The following TRIM5 variants were observed in gnomAD, a reference collection of about 807,000 sequenced individuals.
TRIM5 encodes tripartite motif-containing protein 5.
TRIM5 carries 31 observed loss-of-function variants against 35.6 expected under a neutral mutation model. The ratio of observed to expected loss-of-function variants is 0.87; its 90% confidence interval spans 0.65 to 1.18. The LOEUF is 1.18. Among genes scored for constraint, TRIM5 ranks in the 50% most tolerant of loss-of-function variants. The pLI, the probability that TRIM5 is intolerant of heterozygous loss-of-function variation, is 0.00. For synonymous variants in TRIM5, 243 were observed against 215.6 expected, an observed-to-expected ratio of 1.13 and a Z score of -1.11; for missense variants, 609 against 591.6, an observed-to-expected ratio of 1.03 and a Z score of -0.31.
In TRIM5 at chr11:5,663,404, T is replaced by C. The variant is rs1850903183; in HGVS notation, c.*1405A>G. 2.3e-5 allele frequency: 23 copies of C among 982,754 alleles called. No individual in the cohort carries two copies. Among genetic ancestry groups the C allele is most frequent in the Non-Finnish European group, 2.7e-5 (22 of 827,582 alleles). 60.9% of individuals were successfully genotyped at this position (982,754 alleles called of 1,614,324 possible). A position where few individuals can be genotyped will look rare whatever the true frequency, so the allele number is the denominator to read the frequency against. ...TATATAGAAGGCAGAATTGAAGTCA[T>C]TTTGACAGTAGTATCTGAGATCTAA... On this transcript the variant is annotated 3_prime_UTR_variant, in exon 8 of 8. Coordinates refer to ENST00000380034, the MANE Select transcript of TRIM5 (RefSeq NM_033034.3).
At chr11:5,629,387 A>G in the TRIM5 span, among the ~76,000 whole-genome samples, 2 of 152,252 alleles carry the variant, frequency 1.3e-5, no homozygotes, top group Non-Finnish European at 2.9e-5. Context: ...ATAAGTTCAC[A>G]TTCACATAAG....
the TRIM5 span, chr11:5,603,516 G>A: frequency 1.9e-6 from 3 of 1,614,100 alleles, no homozygotes; most frequent in Non-Finnish European, 2.5e-6. Context: ...CAGGGAACCT[G>A]CGGCCTAATC....
Position 5,675,947 on chromosome 11 carries a change from C to A in TRIM5, c.744+2257G>T, listed in dbSNP as rs1410125512. On this transcript the variant is annotated intron_variant, in intron 4 of 7. Coordinates refer to ENST00000380034, the MANE Select transcript of TRIM5 (RefSeq NM_033034.3). Reference sequence around the variant, plus strand: ...ATTCCCACCTATGAGTGAGAATATGCGGTGTTTGATTTTTTGTTCTTGCGA... The same window carrying A: ...ATTCCCACCTATGAGTGAGAATATGAGGTGTTTGATTTTTTGTTCTTGCGA... 7.2e-5 allele frequency among the ~76,000 whole-genome samples: 8 copies of A among 110,736 alleles called. 2 individuals carry two copies. The Admixed American group carries it at 7.5e-4, about 10-fold the overall frequency. 72.6% of individuals were successfully genotyped at this position (110,736 alleles called of 152,430 possible). A position where few individuals can be genotyped will look rare whatever the true frequency, so the allele number is the denominator to read the frequency against.
At chr11:5,642,869 A>T in the TRIM5 span, 1 of 1,613,556 alleles carries the variant, frequency 6.2e-7, no homozygotes, top group Non-Finnish European at 8.5e-7. Context: ...TCTTTAAATA[A>T]CTGTTTTCCA....
intron 5 of TRIM5, chr11:5,666,309 GCA>G (rs535613562): frequency 4.8e-5 from 29 of 608,142 alleles, no homozygotes; most frequent in South Asian, 4.7e-4. Flanking sequence ...CCTCTCAGAA[GCA>G]CAGTTTCTTC....
At chr11:5,598,050 C>T in the TRIM5 span, among the ~76,000 whole-genome samples, 83 of 152,224 alleles carry the variant, frequency 5.5e-4, no homozygotes, top group Admixed American at 1.2e-3. Context: ...TTAATTGGTC[C>T]CACCTGGTTG....
At chr11:5,625,667 T>G in the TRIM5 span, among the ~76,000 whole-genome samples, 3 of 151,910 alleles carry the variant, frequency 2.0e-5, no homozygotes, top group Admixed American at 2.0e-4. Flanking sequence ...TTGAGTGATG[T>G]GACTGCCGCA....
the TRIM5 span, among the ~76,000 whole-genome samples, chr11:5,629,990 G>A: frequency 5.3e-5 from 8 of 152,184 alleles, no homozygotes; most frequent in Non-Finnish European, 1.0e-4. Flanking sequence ...ACAGGGGTGA[G>A]CCACCGCGCC....
At chr11:5,611,348 C>T in the TRIM5 span, 2 of 1,605,794 alleles carry the variant, frequency 1.2e-6, no homozygotes, top group Admixed American at 1.7e-5. Flanking sequence ...CTTGAATATT[C>T]TTCTGTTCCC....
At chr11:5,661,986 A>G (rs1012448953), downstream of TRIM5, among the ~76,000 whole-genome samples, 2 of 152,230 alleles carry the variant, frequency 1.3e-5, no homozygotes, top group African/African-American at 2.4e-5. Context: ...TCACTTGCCA[A>G]TAATTCAAGC....
At chr11:5,595,965 A>C in the TRIM5 span, 1 of 152,408 alleles carries the variant, frequency 6.6e-6, no homozygotes, top group Non-Finnish European at 1.5e-5. Context: ...ACAGGGGTGA[A>C]CCACCGCGCC....
chr11:5,678,161 C>T (rs1852138047), intron 4 of TRIM5, 43 bp downstream of exon 4: 2 of 1,532,680 alleles, frequency 1.3e-6, no homozygotes, highest in Non-Finnish European at 8.9e-7. Flanking sequence ...ATAGCCTTCA[C>T]TTTTCTTTAA....
At chr11:5,632,514 C>G in the TRIM5 span, 3 of 1,613,922 alleles carry the variant, frequency 1.9e-6, no homozygotes, top group Non-Finnish European at 2.5e-6. Flanking sequence ...TGTGTGGTAT[C>G]AGTTACTCAT....
chr11:5,647,517 T>C, the TRIM5 span, among the ~76,000 whole-genome samples: 1 of 152,102 alleles, frequency 6.6e-6, no homozygotes. Flanking sequence ...AATTCTCTTA[T>C]AGCAAATGAG....
At chr11:5,603,298 A>G in the TRIM5 span, 6 of 1,613,982 alleles carry the variant, frequency 3.7e-6, no homozygotes, top group East Asian at 1.3e-4. Flanking sequence ...GGCAGGAGCC[A>G]GGAGAGTAGC....
the TRIM5 span, among the ~76,000 whole-genome samples, chr11:5,635,525 G>T: frequency 2.0e-5 from 3 of 151,932 alleles, no homozygotes; most frequent in Non-Finnish European, 4.4e-5. Flanking sequence ...CAAAATGCTG[G>T]GATTACAGGC....
the TRIM5 span, chr11:5,643,125 A>ATATATTTTT: frequency 5.1e-5 from 50 of 974,540 alleles, no homozygotes; most frequent in South Asian, 6.2e-5. Context: ...ATATATATAT[A>ATATATTTTT]TTTTTTTTTT....
At chr11:5,630,900 G>T in the TRIM5 span, among the ~76,000 whole-genome samples, 1 of 151,996 alleles carries the variant, frequency 6.6e-6, no homozygotes, top group Non-Finnish European at 1.5e-5. Flanking sequence ...TTTTAATCAC[G>T]GAAGATAATA....
At chr11:5,605,356 G>C in the TRIM5 span, 2 of 1,614,168 alleles carry the variant, frequency 1.2e-6, no homozygotes. Context: ...GAGCCTGAGA[G>C]ATGCAGGATC....
Sources: allele counts gnomAD v4.1 joint callset (sites outside exome capture counted in the v4.1 genomes callset), GRCh38; gene constraint gnomAD v4.1.1; transcripts MANE v1.5; gene names NCBI Gene and HGNC (gene_info 2026-07-23, HGNC 2026-07-21).